ROBO1: variants seen among roughly 807,000 people sequenced by gnomAD.
ROBO1 encodes the protein roundabout guidance receptor 1.
In ROBO1, 149 loss-of-function variants were observed where a neutral mutation model predicts 195.9. The ratio of observed to expected loss-of-function variants is 0.76; its 90% CI spans 0.67 to 0.87. The LOEUF (loss-of-function observed/expected upper bound fraction) is 0.87. ROBO1 is among the 40% of genes least tolerant of loss of function. ROBO1 has a pLI of 0.00. For missense variants in ROBO1, 1,933 were observed against 2,068.3 expected (o/e 0.93, Z 1.27); for synonymous variants, 816 against 733.2 (o/e 1.11, Z -1.82).
rs116633948 is a variant in ROBO1 at position 79,549,060 on chromosome 3, G to A, written c.88+40764C>T. ...GGATGTGCACTTTAGGTAGGATTTCGGTCTTCCATTGGGTGAAAAATCCTG... is the reference window on the plus strand; with the variant it reads ...GGATGTGCACTTTAGGTAGGATTTCAGTCTTCCATTGGGTGAAAAATCCTG... On this transcript the variant is annotated intron_variant, in intron 2 of 30. Transcript: ENST00000464233. Among the ~76,000 whole-genome samples the A allele has an allele frequency of 5.7e-3, 864 of 152,162 alleles. 6 individuals are homozygous for A. The highest frequency in any genetic ancestry group is 0.019 in the African/African-American group (787 of 41,522).
intron 2 of ROBO1, among the ~76,000 whole-genome samples, chr3:79,550,117 T>A (rs1181222758): frequency 8.1e-6 from 1 of 123,512 alleles, no homozygotes; most frequent in African/African-American, 3.3e-5. Context: ...AGAGCAAGAC[T>A]CCATCTCCAA....
chr3:79,725,520 C>A (rs1198998064), intron 1 of ROBO1, among the ~76,000 whole-genome samples: 2 of 152,146 alleles, frequency 1.3e-5, no homozygotes, highest in African/African-American at 4.8e-5. Context: ...GCCACCGCGC[C>A]CGGCCCTCTC....
chr3:79,293,260 T>G (rs1301389551), intron 2 of ROBO1, among the ~76,000 whole-genome samples: 1 of 152,226 alleles, frequency 6.6e-6, no homozygotes, highest in African/African-American at 2.4e-5. Context: ...TCTATTTGAT[T>G]CTTCTCTCTT....
intron 2 of ROBO1, among the ~76,000 whole-genome samples, chr3:79,509,565 A>G (rs561976852): frequency 2.0e-5 from 3 of 152,156 alleles, no homozygotes. Context: ...ACATGTGTCA[A>G]TGTGTAGCTA....
chr3:79,762,627 C>CACAA (rs1021322029), intron 1 of ROBO1, among the ~76,000 whole-genome samples: 4 of 117,914 alleles, frequency 3.4e-5, no homozygotes, highest in African/African-American at 1.2e-4. Flanking sequence ...CACACACACA[C>CACAA]ACACAAAAGC....
chr3:79,039,059 G>A (rs2078433068), intron 3 of ROBO1, among the ~76,000 whole-genome samples: 1 of 152,190 alleles, frequency 6.6e-6, no homozygotes, highest in Non-Finnish European at 1.5e-5. Flanking sequence ...CCACAAGGAA[G>A]AACGATGATT....
intron 1 of ROBO1, among the ~76,000 whole-genome samples, chr3:79,736,935 C>T: frequency 6.6e-6 from 1 of 152,152 alleles, no homozygotes; most frequent in East Asian, 1.9e-4. Flanking sequence ...TTAACTGTAG[C>T]TTGAATATAT....
chr3:79,360,781 T>A (rs1004531353), intron 2 of ROBO1, among the ~76,000 whole-genome samples: 23 of 152,070 alleles, frequency 1.5e-4, no homozygotes, highest in African/African-American at 5.5e-4. Context: ...CAAAGCTGGC[T>A]CCATATTCCA....
intron 1 of ROBO1, among the ~76,000 whole-genome samples, chr3:79,669,689 T>C (rs913817954): frequency 6.6e-6 from 1 of 151,842 alleles, no homozygotes; most frequent in African/African-American, 2.4e-5. Flanking sequence ...TCTGTAGTGA[T>C]GCATCACTGT....
chr3:79,433,612 AT>A (rs1480072064), intron 2 of ROBO1, among the ~76,000 whole-genome samples: 1 of 152,124 alleles, frequency 6.6e-6, no homozygotes, highest in Non-Finnish European at 1.5e-5. Context: ...GTATCGTGAA[AT>A]TGGCCATACT....
Position 79,692,743 on chromosome 3 carries a change from G to A in ROBO1, c.-51+75009C>T, listed in dbSNP as rs73849817. On this transcript the variant is annotated intron_variant, in intron 1 of 30. Coordinates refer to ENST00000464233, the MANE Select transcript of ROBO1 (RefSeq NM_002941.4). ...GAGAAATAAGTTCAAGATATATATTGTATATCATATGACTATCATTATTAA... is the reference window on the plus strand; with the variant it reads ...GAGAAATAAGTTCAAGATATATATTATATATCATATGACTATCATTATTAA... Among the ~76,000 whole-genome samples the A allele has an allele frequency of 9.7e-3, 1,477 of 151,822 alleles. 20 individuals are homozygous for A. The highest frequency in any genetic ancestry group is 0.034 in the African/African-American group (1,418 of 41,454).
At chr3:79,588,569 G>C (rs1479676923) in intron 2 of ROBO1, among the ~76,000 whole-genome samples, 2 of 151,490 alleles carry the variant, frequency 1.3e-5, no homozygotes, top group East Asian at 3.9e-4. Context: ...TCTTTATTCT[G>C]ACAATTTACA....
chr3:79,259,207 C>T (rs986837954), intron 2 of ROBO1, among the ~76,000 whole-genome samples: 3 of 152,028 alleles, frequency 2.0e-5, no homozygotes, highest in South Asian at 2.1e-4. Flanking sequence ...CACAGTGGTG[C>T]AATCTTGGTT....
At chr3:79,746,008 G>A (rs1703860177) in intron 1 of ROBO1, among the ~76,000 whole-genome samples, 1 of 152,042 alleles carries the variant, frequency 6.6e-6, no homozygotes, top group Non-Finnish European at 1.5e-5. Context: ...CACAGAATAC[G>A]AGAATGTGCT....
chr3:79,041,203 T>G (rs2078482155), intron 3 of ROBO1, among the ~76,000 whole-genome samples: 2 of 152,170 alleles, frequency 1.3e-5, no homozygotes. Flanking sequence ...CCCTTATACT[T>G]TCATTTATAT....
At chr3:78,783,733 T>A (rs1365675232) in intron 4 of ROBO1, among the ~76,000 whole-genome samples, 1 of 152,126 alleles carries the variant, frequency 6.6e-6, no homozygotes, top group Non-Finnish European at 1.5e-5. Flanking sequence ...AACTAGTTAA[T>A]AACCAAAACA....
chr3:79,691,752 C>G (rs887525775), intron 1 of ROBO1, among the ~76,000 whole-genome samples: 3 of 151,818 alleles, frequency 2.0e-5, no homozygotes, highest in Admixed American at 6.6e-5. Context: ...AAGTTAATTT[C>G]TAGCCAAGAA....
intron 2 of ROBO1, among the ~76,000 whole-genome samples, chr3:79,409,585 GA>G (rs555267279): frequency 5.7e-4 from 86 of 152,204 alleles, no homozygotes; most frequent in South Asian, 1.7e-3. Flanking sequence ...TCTTAGTTGA[GA>G]ATGTCTCAGT....
chr3:79,003,626 T>C (rs1271589383), intron 3 of ROBO1, among the ~76,000 whole-genome samples: 1 of 152,054 alleles, frequency 6.6e-6, no homozygotes, highest in East Asian at 1.9e-4. Flanking sequence ...CACAAAGAAA[T>C]TGTACGCATT....
Sources: allele counts gnomAD v4.1 joint callset (sites outside exome capture counted in the v4.1 genomes callset), GRCh38; gene constraint gnomAD v4.1.1; transcripts MANE v1.5; gene names NCBI Gene and HGNC (gene_info 2026-07-23, HGNC 2026-07-21).